The following ELAPOR1 variants were observed in gnomAD, a reference collection of about 807,000 sequenced individuals.
ELAPOR1 encodes the protein endosome/lysosome-associated apoptosis and autophagy regulator 1.
In ELAPOR1, 77 loss-of-function variants were observed where a neutral mutation model predicts 119.7. The observed-to-expected ratio is 0.64, with a 90% CI of 0.54 to 0.78. ELAPOR1 has a LOEUF of 0.78. Ranked by LOEUF, ELAPOR1 falls within the 30% of genes least tolerant of loss-of-function variation. The pLI, the probability that ELAPOR1 is intolerant of heterozygous loss-of-function variation, is 0.00. For missense variants in ELAPOR1, 1,115 were observed against 1,270.4 expected, an observed-to-expected ratio of 0.88 and a Z score of 1.86; for synonymous variants, 481 against 487.2, an observed-to-expected ratio of 0.99 and a Z score of 0.17.
At chr1:109,152,252 A>G (rs1650580822) in intron 1 of ELAPOR1, among the ~76,000 whole-genome samples, 1 of 152,230 alleles carries the variant, frequency 6.6e-6, no homozygotes, top group African/African-American at 2.4e-5. Flanking sequence ...TTCTGAAAGC[A>G]GATCCTTTGG....
At chr1:109,183,584 C>CCTTT (rs1558058122) in intron 7 of ELAPOR1, among the ~76,000 whole-genome samples, 17 of 17,206 alleles carry the variant, frequency 9.9e-4, no homozygotes, top group Middle Eastern at 0.022. Flanking sequence ...TTCCTTCCTT[C>CCTTT]CTTCCTTCCT....
At chr1:109,143,640 A>G (rs1243021911) in intron 1 of ELAPOR1, among the ~76,000 whole-genome samples, 1 of 152,158 alleles carries the variant, frequency 6.6e-6, no homozygotes, top group East Asian at 1.9e-4. Flanking sequence ...TTTTAAATAA[A>G]TGGTAAAATG....
intron 7 of ELAPOR1, among the ~76,000 whole-genome samples, chr1:109,183,107 C>T (rs188776803): frequency 3.3e-4 from 50 of 152,054 alleles, no homozygotes; most frequent in African/African-American, 5.5e-4. Flanking sequence ...GTATGAATTA[C>T]GCATATTTTT....
At chr1:109,146,926 G>C (rs184917555) in intron 1 of ELAPOR1, among the ~76,000 whole-genome samples, 1 of 150,298 alleles carries the variant, frequency 6.7e-6, no homozygotes, top group Non-Finnish European at 1.5e-5. Flanking sequence ...TTTTTTTCAA[G>C]ACAGAGACTC....
chr1:109,188,768 C>A (rs1365552505), intron 9 of ELAPOR1, among the ~76,000 whole-genome samples: 1 of 151,966 alleles, frequency 6.6e-6, no homozygotes, highest in Non-Finnish European at 1.5e-5. Flanking sequence ...GATAATATGA[C>A]AATAATATGA....
At chr1:109,183,370 G>A (rs1324315860) in intron 7 of ELAPOR1, among the ~76,000 whole-genome samples, 1 of 138,626 alleles carries the variant, frequency 7.2e-6, no homozygotes, top group Admixed American at 7.2e-5. Flanking sequence ...GAGAGAGAGA[G>A]AAAAGAAAAC....
At chr1:109,187,692 G>A in intron 8 of ELAPOR1, 1 of 932,300 alleles carries the variant, frequency 1.1e-6, no homozygotes, top group Non-Finnish European at 1.3e-6. Context: ...AGATGCATTA[G>A]GATTTACCCA....
chr1:109,174,891 A>G (rs1421032419), intron 7 of ELAPOR1, among the ~76,000 whole-genome samples: 2 of 151,616 alleles, frequency 1.3e-5, no homozygotes, highest in Non-Finnish European at 2.9e-5. Context: ...AATTTTTTGT[A>G]TTTTTAGTAG....
chr1:109,183,386 C>T (rs1474699153), intron 7 of ELAPOR1, among the ~76,000 whole-genome samples: 6 of 148,766 alleles, frequency 4.0e-5, no homozygotes, highest in Non-Finnish European at 7.4e-5. Flanking sequence ...AAAACAAACC[C>T]TATGATGAAA....
intron 18 of ELAPOR1, 24 bp from the exon 19 acceptor site, chr1:109,199,830 C>T (rs913178): frequency 0.79 from 1,271,083 of 1,605,722 alleles, 508,170 homozygotes; most frequent in East Asian, 0.96. Context: ...AGTGAGAGCT[C>T]AGGTCTCTTT....
At chr1:109,173,868 G>T (rs759738207) in intron 7 of ELAPOR1, 31 bp downstream of exon 7, 1 of 1,610,238 alleles carries the variant, frequency 6.2e-7, no homozygotes, top group South Asian at 1.1e-5. Flanking sequence ...AAGAGTTTGG[G>T]GATAGAGAGT....
chr1:109,196,001 C>A (rs145549277), intron 15 of ELAPOR1, among the ~76,000 whole-genome samples: 2,329 of 152,198 alleles, frequency 0.015, 57 homozygotes, highest in African/African-American at 0.053. Flanking sequence ...ACTAAAAATA[C>A]AAAAATTAGC....
At chr1:109,138,507 G>A (rs1033083553) in intron 1 of ELAPOR1, among the ~76,000 whole-genome samples, 1 of 151,276 alleles carries the variant, frequency 6.6e-6, no homozygotes, top group Non-Finnish European at 1.5e-5. Flanking sequence ...ATCCCTTTGT[G>A]AGGCCTAGAT....
At chr1:109,180,931 C>T (rs1652655459) in intron 7 of ELAPOR1, among the ~76,000 whole-genome samples, 1 of 152,066 alleles carries the variant, frequency 6.6e-6, no homozygotes, top group Non-Finnish European at 1.5e-5. Flanking sequence ...CCACTGAACT[C>T]CAGCCTGGGT....
In ELAPOR1 at chr1:109,164,515, C is replaced by T. The variant is rs147298077; in HGVS notation, c.291C>T (p.Ala97=). The change falls in exon 3 of 22, where the codon GCC becomes GCT. Residue 97 remains alanine (A), a synonymous_variant. Transcript: ENST00000369939. ...GTTTTCCAGCCTTCTCCTGCAACGC[C>T]GGGGAGTTTCTGGATATGAAGGACC... ...KGTECSFSCN[A]GEFLDMKDQS... 1.1e-5 allele frequency: 17 copies of T among 1,611,732 alleles called. No individual in the cohort carries two copies. Among genetic ancestry groups the T allele is most frequent in the South Asian group, 9.9e-5 (9 of 90,964 alleles).
intron 8 of ELAPOR1, chr1:109,187,435 G>T: frequency 1.0e-6 from 1 of 993,102 alleles, no homozygotes. Flanking sequence ...GAAAAATATG[G>T]ACAGAGGCCT....
intron 12 of ELAPOR1, 107 bp downstream of exon 12, chr1:109,191,578 A>G: frequency 7.2e-7 from 1 of 1,392,556 alleles, no homozygotes; most frequent in African/African-American, 1.4e-5. Context: ...TAGTGATTCC[A>G]CAGAGGAAAG....
intron 1 of ELAPOR1, among the ~76,000 whole-genome samples, chr1:109,121,479 AG>A (rs1253017143): frequency 6.6e-6 from 1 of 152,046 alleles, no homozygotes; most frequent in African/African-American, 2.4e-5. Flanking sequence ...AAAAGCAATA[AG>A]GTTATTTTAA....
At chr1:109,176,557 T>A (rs1652295557) in intron 7 of ELAPOR1, among the ~76,000 whole-genome samples, 2 of 152,064 alleles carry the variant, frequency 1.3e-5, no homozygotes, top group South Asian at 4.2e-4. Context: ...ACAAAAGTCA[T>A]ATTTACCTAC....
Sources: gnomAD v4.1 joint callset for allele counts (sites outside exome capture counted in the v4.1 genomes callset) on GRCh38, gnomAD v4.1.1 for gene constraint, MANE v1.5 for transcripts, NCBI Gene and HGNC (gene_info 2026-07-23, HGNC 2026-07-21) for gene names.